The following LUZP2 variants were observed in gnomAD, a reference collection of about 807,000 sequenced individuals.
LUZP2 encodes the protein leucine zipper protein 2.
LUZP2 carries 52 observed loss-of-function variants against 51.6 expected under a neutral mutation model. That is an observed-to-expected ratio of 1.01 (90% CI 0.81 to 1.27). The LOEUF (loss-of-function observed/expected upper bound fraction) is 1.27. LUZP2 is among the 50% of genes most tolerant of loss of function. The pLI, the probability that LUZP2 is intolerant of heterozygous loss-of-function variation, is 0.00. For missense variants in LUZP2, 436 were observed against 395.4 expected (o/e 1.10, Z -0.87); for synonymous variants, 154 against 137.3 (o/e 1.12, Z -0.85).
chr11:25,051,398 A>T (rs1397863733), intron 10 of LUZP2, among the ~76,000 whole-genome samples: 1 of 152,244 alleles, frequency 6.6e-6, no homozygotes, highest in Non-Finnish European at 1.5e-5. Flanking sequence ...TCCAAACTAT[A>T]CAATTTAAAG....
chr11:24,630,769 A>G lies in LUZP2; in HGVS notation c.63-98400A>G, dbSNP rs766575915. Reference sequence around the variant, plus strand: ...GTTATATTGATAGAGTTTGCACCGAATCTGTAGATTGCTTTGAGTAGAGCG... The same window carrying G: ...GTTATATTGATAGAGTTTGCACCGAGTCTGTAGATTGCTTTGAGTAGAGCG... On this transcript the variant is annotated intron_variant, in intron 1 of 11. Transcript: ENST00000336930. Among the ~76,000 whole-genome samples, 3 of 151,490 alleles carry G rather than the reference A, an allele frequency of 2.0e-5. No homozygotes were observed. In the East Asian group the frequency reaches 5.8e-4, roughly 29 times the overall value.
At chr11:25,010,630 C>G (rs1397954048) in intron 9 of LUZP2, among the ~76,000 whole-genome samples, 4 of 152,012 alleles carry the variant, frequency 2.6e-5, no homozygotes, top group Non-Finnish European at 5.9e-5. Flanking sequence ...GCTTGAACTA[C>G]TTGAGATCAG....
chr11:24,617,018 G>A (rs1002696516), intron 1 of LUZP2, among the ~76,000 whole-genome samples: 35 of 152,120 alleles, frequency 2.3e-4, no homozygotes, highest in African/African-American at 8.2e-4. Flanking sequence ...GTTCCTGTTG[G>A]TTGACGGCAT....
intron 10 of LUZP2, among the ~76,000 whole-genome samples, chr11:25,066,052 C>A (rs1052277104): frequency 6.6e-6 from 1 of 151,782 alleles, no homozygotes. Context: ...TTATACTAAC[C>A]ATAAAAACCT....
intron 9 of LUZP2, among the ~76,000 whole-genome samples, chr11:25,023,500 A>AT (rs1228413151): frequency 6.6e-6 from 1 of 151,978 alleles, no homozygotes; most frequent in Non-Finnish European, 1.5e-5. Flanking sequence ...CCCCTTTATC[A>AT]TTTTTTATTG....
At chr11:24,726,349 A>G (rs1196906572) in intron 1 of LUZP2, among the ~76,000 whole-genome samples, 1 of 152,104 alleles carries the variant, frequency 6.6e-6, no homozygotes, top group Non-Finnish European at 1.5e-5. Context: ...AGAAGATACT[A>G]AGAAAATTAT....
intron 9 of LUZP2, among the ~76,000 whole-genome samples, chr11:25,039,650 A>G (rs1857978528): frequency 6.6e-6 from 1 of 152,118 alleles, no homozygotes. Flanking sequence ...TCACATGTCC[A>G]TGGGGGTATG....
At chr11:24,942,284 CA>C (rs1349596854) in intron 7 of LUZP2, among the ~76,000 whole-genome samples, 1 of 152,026 alleles carries the variant, frequency 6.6e-6, no homozygotes, top group African/African-American at 2.4e-5. Flanking sequence ...AAAAAATTGC[CA>C]ATTATCCTCT....
chr11:24,602,073 C>CGTATATAT (rs759155371), intron 1 of LUZP2, among the ~76,000 whole-genome samples: 28,105 of 84,530 alleles, frequency 0.33, 5,385 homozygotes, highest in African/African-American at 0.37. Context: ...TATATATATG[C>CGTATATAT]GTATATATGT....
intron 1 of LUZP2, among the ~76,000 whole-genome samples, chr11:24,522,048 A>T (rs1850657684): frequency 6.6e-6 from 1 of 152,160 alleles, no homozygotes; most frequent in African/African-American, 2.4e-5. Flanking sequence ...TGACCACGAG[A>T]TTCTCTACAA....
chr11:24,785,825 C>T (rs1849231324), intron 5 of LUZP2: 9 of 979,896 alleles, frequency 9.2e-6, no homozygotes, highest in Non-Finnish European at 1.1e-5. Context: ...ATGAAAAGTT[C>T]CAGGCTTCAA....
At chr11:24,510,137 A>G (rs538093141) in intron 1 of LUZP2, among the ~76,000 whole-genome samples, 171 of 152,288 alleles carry the variant, frequency 1.1e-3, no homozygotes, top group Non-Finnish European at 1.7e-3. Context: ...CATTCACAAC[A>G]CCAAAGTTGC....
At chr11:24,976,720 A>G in intron 8 of LUZP2, 55 bp downstream of exon 8, 4 of 901,656 alleles carry the variant, frequency 4.4e-6, no homozygotes, top group Non-Finnish European at 1.6e-6. Flanking sequence ...AAAAAAAAAA[A>G]AAAAAAAAAA....
At chr11:25,049,539 T>C (rs1187803219) in intron 9 of LUZP2, among the ~76,000 whole-genome samples, 1 of 152,172 alleles carries the variant, frequency 6.6e-6, no homozygotes, top group Non-Finnish European at 1.5e-5. Context: ...TTTCTGGAAA[T>C]ATAAAGCAGA....
intron 5 of LUZP2, among the ~76,000 whole-genome samples, chr11:24,832,390 G>A (rs1850728059): frequency 1.3e-5 from 2 of 151,786 alleles, no homozygotes; most frequent in African/African-American, 4.8e-5. Flanking sequence ...TGGTTTTAAG[G>A]TAATAAAATA....
chr11:25,070,561 C>A (rs941385327), intron 10 of LUZP2, among the ~76,000 whole-genome samples: 1 of 151,858 alleles, frequency 6.6e-6, no homozygotes, highest in Non-Finnish European at 1.5e-5. Flanking sequence ...GGTTTGCACA[C>A]CAGTGGGTGA....
At chr11:25,054,812 A>G (rs1327871384) in intron 10 of LUZP2, among the ~76,000 whole-genome samples, 1 of 152,078 alleles carries the variant, frequency 6.6e-6, no homozygotes, top group Non-Finnish European at 1.5e-5. Context: ...TGGTTACTGT[A>G]GCTTTACAAT....
chr11:24,585,750 C>A (rs1263999117), intron 1 of LUZP2, among the ~76,000 whole-genome samples: 2 of 151,920 alleles, frequency 1.3e-5, no homozygotes, highest in Non-Finnish European at 2.9e-5. Context: ...AAGGGGAGAA[C>A]AAAACTCTGA....
intron 9 of LUZP2, among the ~76,000 whole-genome samples, chr11:24,990,288 C>T (rs1856300949): frequency 1.3e-5 from 2 of 152,032 alleles, no homozygotes; most frequent in Admixed American, 6.6e-5. Context: ...CACATACAAA[C>T]ATGTATTTTA....
Sources: allele counts gnomAD v4.1 joint callset (sites outside exome capture counted in the v4.1 genomes callset), GRCh38; gene constraint gnomAD v4.1.1; transcripts MANE v1.5; gene names NCBI Gene and HGNC (gene_info 2026-07-23, HGNC 2026-07-21).